Variants in DCC observed in about 807,000 individuals in gnomAD.
DCC encodes netrin receptor DCC.
In DCC, 58 loss-of-function variants were observed where a neutral mutation model predicts 172.5. The ratio of observed to expected loss-of-function variants is 0.34; its 90% CI spans 0.27 to 0.42. DCC has a LOEUF of 0.42. Among genes scored for constraint, DCC ranks in the 10% least tolerant of loss-of-function variants. The probability of loss-of-function intolerance (pLI) is 1.00; values close to 1 mark genes in which losing one functional copy is unlikely to be tolerated. For missense variants in DCC, 1,740 were observed against 1,791.0 expected (o/e 0.97, Z 0.51); for synonymous variants, 709 against 644.5 (o/e 1.10, Z -1.52).
chr18:52,794,459 G>T (rs946712955), intron 2 of DCC, among the ~76,000 whole-genome samples: 1 of 151,864 alleles, frequency 6.6e-6, no homozygotes, highest in Non-Finnish European at 1.5e-5. Context: ...TTTGTTATTG[G>T]TATATAGGAG....
chr18:52,590,181 GTA>G (rs1417061147), intron 1 of DCC, among the ~76,000 whole-genome samples: 2 of 122,074 alleles, frequency 1.6e-5, no homozygotes, highest in African/African-American at 5.8e-5. Flanking sequence ...GTGTGTGTGT[GTA>G]TGCAATTATT....
chr18:53,395,202 T>G (rs1454276733), intron 17 of DCC, among the ~76,000 whole-genome samples: 1 of 151,958 alleles, frequency 6.6e-6, no homozygotes, highest in Non-Finnish European at 1.5e-5. Flanking sequence ...GGTTATTCTG[T>G]GCTCACAAAG....
chr18:52,406,265 A>G (rs2064529679), intron 1 of DCC, among the ~76,000 whole-genome samples: 1 of 149,352 alleles, frequency 6.7e-6, no homozygotes, highest in African/African-American at 2.5e-5. Flanking sequence ...GGCATGGTCA[A>G]GGACTTCATG....
intron 2 of DCC, among the ~76,000 whole-genome samples, chr18:52,854,251 T>G (rs1312640923): frequency 6.6e-6 from 1 of 152,200 alleles, no homozygotes; most frequent in Non-Finnish European, 1.5e-5. Flanking sequence ...AACCTCTCAT[T>G]TATTCAAGGC....
At chr18:53,099,943 C>CTTTTTTTTTTT (rs533618559) in intron 7 of DCC, among the ~76,000 whole-genome samples, 31 of 92,738 alleles carry the variant, frequency 3.3e-4, no homozygotes, top group African/African-American at 7.0e-4. Flanking sequence ...TTCTTTCTTT[C>CTTTTTTTTTTT]TTTTTTTTTT....
intron 1 of DCC, among the ~76,000 whole-genome samples, chr18:52,535,520 G>A (rs1055652006): frequency 3.3e-5 from 5 of 152,324 alleles, no homozygotes; most frequent in Non-Finnish European, 5.9e-5. Flanking sequence ...TGTGAAGCTT[G>A]TGGGCAGACA....
intron 1 of DCC, among the ~76,000 whole-genome samples, chr18:52,748,031 G>A (rs1467977863): frequency 2.6e-5 from 4 of 152,186 alleles, no homozygotes; most frequent in Admixed American, 2.6e-4. Context: ...GGCTGCGGTC[G>A]GCTCGTGCTA....
chr18:52,837,818 G>A (rs1002147970), intron 2 of DCC, among the ~76,000 whole-genome samples: 6 of 152,106 alleles, frequency 3.9e-5, no homozygotes, highest in East Asian at 1.9e-4. Context: ...AGATCTGCCC[G>A]GGACTGGGTA....
At chr18:52,671,903 T>C (rs900066841) in intron 1 of DCC, among the ~76,000 whole-genome samples, 1 of 152,068 alleles carries the variant, frequency 6.6e-6, no homozygotes, top group Admixed American at 6.6e-5. Flanking sequence ...AAATACCCCA[T>C]AAAGCAGAGG....
chr18:52,820,096 A>C (rs1488863489), intron 2 of DCC, among the ~76,000 whole-genome samples: 1 of 152,140 alleles, frequency 6.6e-6, no homozygotes, highest in Non-Finnish European at 1.5e-5. Context: ...CTGTGGACAC[A>C]TTTGGTTTCA....
intron 2 of DCC, among the ~76,000 whole-genome samples, chr18:52,822,013 A>T (rs12605630): frequency 0.11 from 17,111 of 152,236 alleles, 1,048 homozygotes; most frequent in South Asian, 0.2. Context: ...ACAGCCTAAA[A>T]TTAATTTGGT....
intron 12 of DCC, among the ~76,000 whole-genome samples, chr18:53,231,545 A>G (rs905436614): frequency 1.6e-4 from 24 of 152,124 alleles, no homozygotes; most frequent in African/African-American, 5.5e-4. Flanking sequence ...GTGACCAATG[A>G]TATAATGAGT....
At chr18:52,492,246 A>G (rs1598860472) in intron 1 of DCC, among the ~76,000 whole-genome samples, 1 of 152,008 alleles carries the variant, frequency 6.6e-6, no homozygotes, top group Non-Finnish European at 1.5e-5. Flanking sequence ...GAGAGAAGAC[A>G]TTAAGTAGAC....
chr18:53,142,733 A>G (rs962177522), intron 7 of DCC, among the ~76,000 whole-genome samples: 5 of 152,218 alleles, frequency 3.3e-5, no homozygotes, highest in African/African-American at 1.2e-4. Context: ...AAACTAAGAA[A>G]TCGACGTTGC....
chr18:53,517,899 T>C (rs1441666004), intron 27 of DCC, among the ~76,000 whole-genome samples: 1 of 152,192 alleles, frequency 6.6e-6, no homozygotes, highest in Non-Finnish European at 1.5e-5. Context: ...TGCCTGAGGC[T>C]ATTGTGTCTG....
intron 27 of DCC, among the ~76,000 whole-genome samples, chr18:53,505,003 C>G (rs953429597): frequency 6.6e-6 from 1 of 152,042 alleles, no homozygotes; most frequent in Non-Finnish European, 1.5e-5. Flanking sequence ...AACAGTTATT[C>G]TTAGAGTGAC....
chr18:52,377,686 A>C (rs1325752739), intron 1 of DCC, among the ~76,000 whole-genome samples: 2 of 150,124 alleles, frequency 1.3e-5, no homozygotes, highest in Non-Finnish European at 3.0e-5. Flanking sequence ...GAAAAAAAAA[A>C]CTATTAAGCC....
rs2055603649 is a variant in DCC, at chr18:53,205,102, T to C, written c.1574-114T>C. On this transcript the variant is annotated intron_variant, in intron 9 of 28. Coordinates refer to ENST00000442544, the MANE Select transcript of DCC (RefSeq NM_005215.4). ...ATTCTTATTCCATATTATTCTAAAA[T>C]ACATACTCCTAGAATTTTATTGAAC... is the stretch of plus-strand genomic sequence containing the variant. The C allele has an allele frequency of 1.4e-5, 11 of 801,330 alleles. No homozygotes were observed. The Admixed American group carries it at 1.5e-4, about 11-fold the overall frequency. 49.6% of individuals were successfully genotyped at this position (801,330 alleles called of 1,614,324 possible).
chr18:53,413,965 G>A (rs1910146046), intron 20 of DCC, among the ~76,000 whole-genome samples: 1 of 152,032 alleles, frequency 6.6e-6, no homozygotes, highest in Non-Finnish European at 1.5e-5. Context: ...TCGTATTCCT[G>A]TCCATAAGCT....
Sources: gnomAD v4.1 joint callset for allele counts (sites outside exome capture counted in the v4.1 genomes callset) on GRCh38, gnomAD v4.1.1 for gene constraint, MANE v1.5 for transcripts, NCBI Gene and HGNC (gene_info 2026-07-23, HGNC 2026-07-21) for gene names.